Variants in ADGRG1 observed in about 807,000 individuals in gnomAD.
ADGRG1 encodes 7-transmembrane protein with no EGF-like N-terminal domains-1.
Under a neutral mutation model 73.5 loss-of-function variants are expected in ADGRG1, and 53 were observed. The observed-to-expected ratio is 0.72, with a 90% CI of 0.58 to 0.91. ADGRG1 has a LOEUF of 0.91. ADGRG1 is among the 40% of genes least tolerant of loss of function. ADGRG1 has a pLI of 0.00. For synonymous variants in ADGRG1, 394 were observed against 374.4 expected (o/e 1.05, Z -0.60); for missense variants, 795 against 871.8 (o/e 0.91, Z 1.11).
upstream of ADGRG1, chr16:57,623,000 G>A (rs2146985906): frequency 1.0e-6 from 1 of 985,444 alleles, no homozygotes; most frequent in Non-Finnish European, 1.2e-6. Flanking sequence ...TTGGCATGTG[G>A]TCAAGTTGCC....
rs995130774 is a variant in ADGRG1, at chr16:57,659,547, T to C, written c.1421T>C (p.Ile474Thr). Residue 474 changes from isoleucine (I) to threonine (T), a missense_variant, in exon 11 of 14, where the codon ATC (isoleucine) becomes ACC (threonine). Physicochemically the swap from Ile to Thr is moderately conservative, Grantham distance 89. Transcript: ENST00000562631. ...GSEAGCRASA[I>T]FLHFSLLTCL... is the part of the protein sequence containing the mutation. ...GAGGCTGGCTGCCGAGCCAGTGCCA[T>C]CTTCCTGCACTTCTCCCTGCTCACC... 2.4e-5 allele frequency: 38 copies of C among 1,614,026 alleles called. No homozygotes were observed. The highest frequency in any genetic ancestry group is 3.1e-5 in the Non-Finnish European group (37 of 1,180,012).
chr16:57,659,318 G>C, intron 10 of ADGRG1, 95 bp from the exon 11 acceptor site: 2 of 1,600,432 alleles, frequency 1.2e-6, no homozygotes, highest in East Asian at 4.5e-5. Flanking sequence ...GTGTCGGGGT[G>C]GGGGGCAGTC....
At chr16:57,662,019 G>A in intron 13 of ADGRG1, 54 bp downstream of exon 13, 1 of 1,422,040 alleles carries the variant, frequency 7.0e-7, no homozygotes, top group South Asian at 1.1e-5. Context: ...CATGGAGCAA[G>A]GGCAGGGAAG....
chr16:57,662,288 C>T (rs1189865194), intron 13 of ADGRG1, among the ~76,000 whole-genome samples: 1 of 152,174 alleles, frequency 6.6e-6, no homozygotes, highest in Admixed American at 6.5e-5. Context: ...GTAGGGACAT[C>T]GTCGTGAGCA....
At chr16:57,632,133 AC>A (rs1251079183) in intron 1 of ADGRG1, 1 of 985,344 alleles carries the variant, frequency 1.0e-6, no homozygotes, top group Non-Finnish European at 1.2e-6. Context: ...GGGGAGGCTT[AC>A]CCAGTGAGCA....
In ADGRG1 at chr16:57,651,338, A is replaced by T. The variant is rs140781731; in HGVS notation, c.203A>T (p.His68Leu). The T allele has an allele frequency of 5.6e-6, 9 of 1,613,952 alleles. No homozygotes were observed. Among genetic ancestry groups the T allele is most frequent in the Non-Finnish European group, 7.6e-6 (9 of 1,179,944 alleles). The part of the protein sequence containing the change: ...IENSEEALTV[H>L]APFPAAHPAS... ...AACTCCGAAGAGGCCCTCACAGTCC[A>T]TGCCCCTTTCCCTGCAGCCCACCCT... is the stretch of plus-strand genomic sequence containing the variant. The change falls in exon 3 of 14, where the codon CAT becomes CTT. Residue 68 changes from histidine (H) to leucine (L), a missense_variant. By Grantham distance (99) the His-to-Leu change is moderately conservative. Transcript: ENST00000562631.
intron 1 of ADGRG1, among the ~76,000 whole-genome samples, chr16:57,640,574 C>T (rs1426960586): frequency 6.6e-6 from 1 of 152,204 alleles, no homozygotes; most frequent in African/African-American, 2.4e-5. Context: ...GGTGTGCAAC[C>T]TCTGATGGTC....
At chr16:57,650,225 C>T in intron 1 of ADGRG1, 28 bp from the exon 2 acceptor site, 1 of 1,576,108 alleles carries the variant, frequency 6.3e-7, no homozygotes, top group Non-Finnish European at 8.7e-7. Flanking sequence ...AGTCCACACT[C>T]CCAGCTAACA....
intron 1 of ADGRG1, chr16:57,648,611 A>C (rs1597414534): frequency 1.0e-6 from 1 of 984,832 alleles, no homozygotes; most frequent in Non-Finnish European, 1.2e-6. Flanking sequence ...TGCTGCTCTC[A>C]ATGATTTGGT....
chr16:57,651,556 A>G lies in ADGRG1; in HGVS notation c.421A>G (p.Thr141Ala), dbSNP rs1374024649. 7 of 1,613,916 alleles carry G rather than the reference A, an allele frequency of 4.3e-6. No individual in the cohort carries two copies. The highest frequency in any genetic ancestry group is 5.9e-6 in the Non-Finnish European group (7 of 1,179,984). Reference sequence around the variant, plus strand: ...CCCCCCGCTGTTAGCCACTTCTGTCACCTCCTGGTGGAGCCCTCAGAACAT... The same window carrying G: ...CCCCCCGCTGTTAGCCACTTCTGTCGCCTCCTGGTGGAGCCCTCAGAACAT... ...QGPPLLATSVTSWWSPQNISL... is the reference protein window; with the variant it reads ...QGPPLLATSVASWWSPQNISL... Residue 141 changes from threonine (T) to alanine (A), a missense_variant, in exon 3 of 14, where the codon ACC (threonine) becomes GCC (alanine). Physicochemically the swap from Thr to Ala is moderately conservative, Grantham distance 58 (BLOSUM62 0). Transcript: ENST00000562631.
upstream of ADGRG1, among the ~76,000 whole-genome samples, chr16:57,623,459 G>T (rs1394512014): frequency 6.6e-6 from 1 of 152,248 alleles, no homozygotes; most frequent in East Asian, 1.9e-4. Flanking sequence ...AAAATGTCTT[G>T]GACCTGGTCA....
chr16:57,655,272 T>A, intron 5 of ADGRG1, 127 bp from the exon 6 acceptor site: 1 of 1,572,266 alleles, frequency 6.4e-7, no homozygotes. Flanking sequence ...CAGGCTTGAC[T>A]TCCTGAAGAA....
At position 57,663,471 on chromosome 16, in the gene ADGRG1, G is replaced by T. The variant is rs1194281012; in HGVS notation, c.1953G>T (p.Trp651Cys). ...CCGCAGGCTTCCTCATCTTCATCTG[G>T]TACTGGTCCATGCGGCTGCAGGCCC... is the stretch of plus-strand genomic sequence containing the variant. ...TSFQGFLIFI[W>C]YWSMRLQARG... The change falls in exon 14 of 14, where the codon TGG (tryptophan) becomes TGT (cysteine). Residue 651 changes from tryptophan (W) to cysteine (C), a missense_variant. Transcript: ENST00000562631. 1 of 1,614,082 alleles carries T rather than the reference G, an allele frequency of 6.2e-7. No homozygotes were observed. The highest frequency in any genetic ancestry group is 1.1e-5 in the South Asian group (1 of 91,086).
intron 1 of ADGRG1, chr16:57,633,372 G>C: frequency 1.0e-6 from 1 of 985,350 alleles, no homozygotes; most frequent in Non-Finnish European, 1.2e-6. Context: ...TTCATTACTT[G>C]GGCTGTGAAA....
At position 57,659,541 on chromosome 16, in the gene ADGRG1, G is replaced by C. The variant is rs201132218; in HGVS notation, c.1415G>C (p.Ser472Thr). 4.5e-5 allele frequency: 73 copies of C among 1,614,048 alleles called. No homozygotes were observed. The highest frequency in any genetic ancestry group is 5.3e-5 in the African/African-American group (4 of 74,932). Residue 472 changes from serine (S) to threonine (T), a missense_variant, in exon 11 of 14, where the codon AGT (serine) becomes ACT (threonine). By Grantham distance (58) the Ser-to-Thr change is moderately conservative. Transcript: ENST00000562631. ...GGCTCTGAGGCTGGCTGCCGAGCCA[G>C]TGCCATCTTCCTGCACTTCTCCCTG... Reference protein sequence around the residue: ...LTGSEAGCRASAIFLHFSLLT... With the variant: ...LTGSEAGCRATAIFLHFSLLT...
intron 2 of ADGRG1, chr16:57,621,898 G>A (rs1323420297): frequency 1.2e-5 from 12 of 983,784 alleles, no homozygotes; most frequent in African/African-American, 1.7e-5. Context: ...AGTTCAGGAA[G>A]GGAGGTTTCT....
At chr16:57,652,035 A>G in intron 3 of ADGRG1, 1 of 1,083,702 alleles carries the variant, frequency 9.2e-7, no homozygotes, top group Non-Finnish European at 1.1e-6. Context: ...TTCCTTTCAC[A>G]GAGGAGGAAA....
chr16:57,634,046 A>C, intron 1 of ADGRG1: 1 of 984,568 alleles, frequency 1.0e-6, no homozygotes, highest in Middle Eastern at 5.2e-4. Context: ...CTTTCAAAGG[A>C]CCAGAGGCCA....
chr16:57,660,019 G>A (rs1444356176), intron 11 of ADGRG1, among the ~76,000 whole-genome samples: 1 of 152,198 alleles, frequency 6.6e-6, no homozygotes, highest in Non-Finnish European at 1.5e-5. Context: ...TCCCGCTCCA[G>A]TCATTTAATT....
Sources: allele counts gnomAD v4.1 joint callset (sites outside exome capture counted in the v4.1 genomes callset), GRCh38; gene constraint gnomAD v4.1.1; transcripts MANE v1.5; gene names NCBI Gene and HGNC (gene_info 2026-07-23, HGNC 2026-07-21).